Variants in KIAA1328 observed in about 807,000 individuals in gnomAD.
KIAA1328 encodes KIAA1328.
KIAA1328 carries 52 observed loss-of-function variants against 68.1 expected under a neutral mutation model. The ratio of observed to expected loss-of-function variants is 0.76; its 90% CI spans 0.61 to 0.96. The LOEUF (loss-of-function observed/expected upper bound fraction) is 0.96, where lower values mean the gene tolerates loss of function less well. Ranked by LOEUF, KIAA1328 falls within the 40% of genes least tolerant of loss-of-function variation. KIAA1328 has a pLI of 0.00. For synonymous variants in KIAA1328, 232 were observed against 239.4 expected (o/e 0.97, Z 0.28); for missense variants, 641 against 677.6 (o/e 0.95, Z 0.60).
At chr18:37,116,675 C>G (rs2058118027) in intron 7 of KIAA1328, among the ~76,000 whole-genome samples, 2 of 152,134 alleles carry the variant, frequency 1.3e-5, no homozygotes, top group South Asian at 4.1e-4. Flanking sequence ...TCTAATTAAA[C>G]TAAAGAGCTT....
intron 4 of KIAA1328, among the ~76,000 whole-genome samples, chr18:36,884,699 G>C (rs2048439812): frequency 6.6e-6 from 1 of 152,152 alleles, no homozygotes; most frequent in East Asian, 1.9e-4. Context: ...TATAGGATAA[G>C]TGCATTCTAT....
rs570111485 is a variant in KIAA1328, at chr18:37,059,815, T to C, written c.577-7075T>C. ...AAATGCCCATCAGTGATAGATTGGA[T>C]AAAGAAAATGTGGCACATATACACC... On this transcript the variant is annotated intron_variant, in intron 6 of 9. Coordinates refer to ENST00000280020, the MANE Select transcript of KIAA1328 (RefSeq NM_020776.3). 5.9e-5 allele frequency among the ~76,000 whole-genome samples: 9 copies of C among 152,154 alleles called. No homozygotes were observed. The East Asian group carries it at 1.5e-3, about 26-fold the overall frequency.
chr18:36,868,226 A>G (rs368314484), intron 4 of KIAA1328, among the ~76,000 whole-genome samples: 8 of 152,316 alleles, frequency 5.3e-5, no homozygotes, highest in African/African-American at 1.9e-4. Flanking sequence ...GAGTTGATAT[A>G]TGGGTTTAAA....
intron 5 of KIAA1328, among the ~76,000 whole-genome samples, chr18:36,902,802 A>G (rs994709024): frequency 2.0e-5 from 3 of 152,088 alleles, no homozygotes; most frequent in Non-Finnish European, 2.9e-5. Context: ...CACCTATTCT[A>G]CAAGGCTGTG....
intron 5 of KIAA1328, among the ~76,000 whole-genome samples, chr18:36,917,650 C>T (rs1342409343): frequency 1.3e-5 from 2 of 152,190 alleles, no homozygotes; most frequent in African/African-American, 4.8e-5. Context: ...CTGGAGACTT[C>T]TCTGTGTATG....
chr18:36,868,787 T>C (rs192033070), intron 4 of KIAA1328, among the ~76,000 whole-genome samples: 13 of 152,296 alleles, frequency 8.5e-5, no homozygotes, highest in Non-Finnish European at 1.3e-4. Flanking sequence ...GACATGGTTC[T>C]TTTTTAGACC....
chr18:36,885,219 C>CA (rs531017253), intron 4 of KIAA1328, among the ~76,000 whole-genome samples: 1 of 151,876 alleles, frequency 6.6e-6, no homozygotes, highest in African/African-American at 2.4e-5. Context: ...GTTTTGGTAA[C>CA]AAAAAAATGA....
intron 5 of KIAA1328, among the ~76,000 whole-genome samples, chr18:36,899,651 A>T (rs2048973059): frequency 6.6e-6 from 1 of 152,020 alleles, no homozygotes; most frequent in Non-Finnish European, 1.5e-5. Context: ...TATATTTCAC[A>T]TTTAAAAGAT....
At chr18:37,127,551 A>G (rs1269429502) in intron 7 of KIAA1328, among the ~76,000 whole-genome samples, 1 of 152,174 alleles carries the variant, frequency 6.6e-6, no homozygotes, top group Non-Finnish European at 1.5e-5. Flanking sequence ...TCTACAAAAA[A>G]CAAAAATAAT....
At chr18:37,021,792 A>T (rs1218155360) in intron 6 of KIAA1328, among the ~76,000 whole-genome samples, 10 of 151,984 alleles carry the variant, frequency 6.6e-5, no homozygotes, top group African/African-American at 2.4e-4. Context: ...AATACCCAGC[A>T]CTTTGGGAGG....
downstream of KIAA1328, chr18:37,230,771 C>T (rs2060660784): frequency 6.6e-6 from 1 of 152,150 alleles, no homozygotes; most frequent in African/African-American, 2.4e-5. Context: ...GAGGGTGGGG[C>T]TAGAAGACAC....
intron 5 of KIAA1328, among the ~76,000 whole-genome samples, chr18:36,908,338 T>C (rs1267465201): frequency 6.6e-6 from 1 of 152,140 alleles, no homozygotes; most frequent in Non-Finnish European, 1.5e-5. Context: ...ATCTGGAACA[T>C]ATAAAATTTT....
chr18:37,102,618 A>T (rs1351972518), intron 7 of KIAA1328, among the ~76,000 whole-genome samples: 1 of 152,222 alleles, frequency 6.6e-6, no homozygotes, highest in Non-Finnish European at 1.5e-5. Flanking sequence ...CCCACAGCTA[A>T]TACCACACCA....
intron 4 of KIAA1328, among the ~76,000 whole-genome samples, chr18:36,848,065 G>A (rs1332585133): frequency 6.6e-6 from 1 of 151,506 alleles, no homozygotes; most frequent in Non-Finnish European, 1.5e-5. Context: ...GAGGTCCTTT[G>A]CATTTCACTG....
rs565110269 is a variant in KIAA1328, at chr18:36,921,763, A to C, written c.448+36091A>C. ...AGATTTACTATGACTTGTGTGGTTC[A>C]TTCTCTTCACTATCAGAATCTTCCA... On this transcript the variant is annotated intron_variant, in intron 5 of 9. Transcript: ENST00000280020. 2.8e-4 allele frequency among the ~76,000 whole-genome samples: 43 copies of C among 152,248 alleles called. 1 individual carries two copies. The highest frequency in any genetic ancestry group is 2.5e-3 in the South Asian group (12 of 4,828).
intron 5 of KIAA1328, among the ~76,000 whole-genome samples, chr18:36,907,979 C>T (rs1481906570): frequency 6.6e-6 from 1 of 152,002 alleles, no homozygotes; most frequent in Admixed American, 6.6e-5. Flanking sequence ...CTCAGATTAC[C>T]CAATTTTTCT....
At chr18:36,934,166 G>A (rs904286981) in intron 5 of KIAA1328, among the ~76,000 whole-genome samples, 1 of 152,036 alleles carries the variant, frequency 6.6e-6, no homozygotes, top group Non-Finnish European at 1.5e-5. Context: ...TTAGGGCTGG[G>A]AACTAGCATC....
chr18:36,918,561 C>T (rs1212255871), intron 5 of KIAA1328, among the ~76,000 whole-genome samples: 1 of 151,964 alleles, frequency 6.6e-6, no homozygotes, highest in Non-Finnish European at 1.5e-5. Context: ...TACAGGTGCG[C>T]ACCACCATGC....
intron 6 of KIAA1328, among the ~76,000 whole-genome samples, chr18:37,016,162 G>A (rs1203223833): frequency 1.3e-5 from 2 of 152,062 alleles, no homozygotes; most frequent in Non-Finnish European, 2.9e-5. Flanking sequence ...ATTATTTTGA[G>A]GAATGTTCCT....
Sources: gnomAD v4.1 joint callset for allele counts (sites outside exome capture counted in the v4.1 genomes callset) on GRCh38, gnomAD v4.1.1 for gene constraint, MANE v1.5 for transcripts, NCBI Gene and HGNC (gene_info 2026-07-23, HGNC 2026-07-21) for gene names.